SPRR2B: variants seen among roughly 807,000 people sequenced by gnomAD.
SPRR2B encodes the protein small proline-rich protein 2B.
A neutral mutation model predicts 1.0 loss-of-function variants in SPRR2B; 1 was observed. The observed-to-expected ratio is 1.01, with a 90% CI of 0.36 to 4.77. The LOEUF is 4.77. SPRR2B is among the 30% of genes most tolerant of loss of function. The pLI is 0.16. For missense variants in SPRR2B, 53 were observed against 88.7 expected (o/e 0.60, Z 1.62); for synonymous variants, 27 against 33.4 (o/e 0.81, Z 0.66).
At chr1:153,083,070 T>C in the SPRR2B span, among the ~76,000 whole-genome samples, 1 of 152,198 alleles carries the variant, frequency 6.6e-6, no homozygotes, top group Non-Finnish European at 1.5e-5. Context: ...AAGCTATAAA[T>C]AATTCTATGT....
chr1:153,071,691 T>C (rs1654670573), upstream of SPRR2B, among the ~76,000 whole-genome samples: 2 of 152,124 alleles, frequency 1.3e-5, no homozygotes, highest in Admixed American at 1.3e-4. Flanking sequence ...ACTGAGCTGG[T>C]CCAGCAATGT....
At chr1:153,075,074 G>A (rs773689292), upstream of SPRR2B, among the ~76,000 whole-genome samples, 4 of 152,126 alleles carry the variant, frequency 2.6e-5, no homozygotes, top group Non-Finnish European at 2.9e-5. Flanking sequence ...GGCCGGGAAC[G>A]GTGGCTCATG....
At position 153,070,402 on chromosome 1, in the gene SPRR2B, G is replaced by T; in HGVS notation, c.*219C>A. The stretch of plus-strand genomic sequence containing the variant: ...AGCTCTGGGAACTGACAAAGCCAAG[G>T]TTCCTTTGCTCAGTCTCCACCTGGA... On this transcript the variant is annotated 3_prime_UTR_variant, in exon 2 of 2. Transcript: ENST00000368755. 3.4e-6 allele frequency: 3 copies of T among 872,152 alleles called. No homozygotes were observed. Among genetic ancestry groups the T allele is most frequent in the East Asian group, 2.7e-5 (1 of 36,736 alleles). 54.0% of individuals were successfully genotyped at this position (872,152 alleles called of 1,614,324 possible).
chr1:153,078,805 A>G, the SPRR2B span, among the ~76,000 whole-genome samples: 48 of 152,320 alleles, frequency 3.2e-4, 1 homozygote, highest in African/African-American at 9.1e-4. Context: ...GCTATTGTGA[A>G]TAGTGCTGCA....
the SPRR2B span, among the ~76,000 whole-genome samples, chr1:153,079,148 G>A: frequency 6.6e-6 from 1 of 152,174 alleles, no homozygotes; most frequent in African/African-American, 2.4e-5. Context: ...TCTTTTGGCT[G>A]CATAAATGTC....
At position 153,070,357 on chromosome 1, in the gene SPRR2B, G is replaced by T; in HGVS notation, c.*264C>A. On this transcript the variant is annotated 3_prime_UTR_variant, in exon 2 of 2. Coordinates refer to ENST00000368755, the MANE Select transcript of SPRR2B (RefSeq NM_001388198.1). Reference sequence around the variant, plus strand: ...TTCTCTGATGGTTCCCAGGCACACAGCTGCAGCTCTTTCTGCTGAAGCTCT... The same window carrying T: ...TTCTCTGATGGTTCCCAGGCACACATCTGCAGCTCTTTCTGCTGAAGCTCT... 1.6e-6 allele frequency: 1 copy of T among 617,004 alleles called. No individual in the cohort carries two copies. Among genetic ancestry groups the T allele is most frequent in the Non-Finnish European group, 2.7e-6 (1 of 366,490 alleles). 38.2% of individuals were successfully genotyped at this position (617,004 alleles called of 1,614,324 possible).
the SPRR2B span, among the ~76,000 whole-genome samples, chr1:153,086,672 A>G: frequency 6.6e-6 from 1 of 152,232 alleles, no homozygotes; most frequent in Non-Finnish European, 1.5e-5. Flanking sequence ...GACACATCAT[A>G]GAGACAGAAA....
chr1:153,081,044 G>T, the SPRR2B span, among the ~76,000 whole-genome samples: 1 of 152,210 alleles, frequency 6.6e-6, no homozygotes, highest in African/African-American at 2.4e-5. Context: ...CTCAAAGGCT[G>T]TAGGCCTATT....
the SPRR2B span, among the ~76,000 whole-genome samples, chr1:153,086,364 C>T: frequency 1.4e-3 from 211 of 152,226 alleles, 1 homozygote; most frequent in Non-Finnish European, 2.5e-3. Flanking sequence ...CAGAAAAAAG[C>T]AGGGGTTGCC....
the SPRR2B span, among the ~76,000 whole-genome samples, chr1:153,082,596 G>C: frequency 7.2e-5 from 11 of 151,806 alleles, no homozygotes; most frequent in African/African-American, 2.7e-4. Flanking sequence ...ATTAAACAAC[G>C]CACTCTTAAA....
chr1:153,079,482 GT>G, the SPRR2B span, among the ~76,000 whole-genome samples: 3 of 152,198 alleles, frequency 2.0e-5, no homozygotes, highest in Non-Finnish European at 4.4e-5. Context: ...TTCTACTAGA[GT>G]TTTTATGGTT....
the SPRR2B span, among the ~76,000 whole-genome samples, chr1:153,078,615 T>A: frequency 6.6e-6 from 1 of 152,102 alleles, no homozygotes; most frequent in East Asian, 1.9e-4. Context: ...CATGCGGTGT[T>A]TGGTTTTTTG....
At chr1:153,084,801 A>G in the SPRR2B span, among the ~76,000 whole-genome samples, 1 of 152,214 alleles carries the variant, frequency 6.6e-6, no homozygotes, top group Non-Finnish European at 1.5e-5. Flanking sequence ...AACAGGGGTC[A>G]GGGAGCACCT....
chr1:153,072,805 T>C (rs949608696), upstream of SPRR2B, among the ~76,000 whole-genome samples: 2 of 152,152 alleles, frequency 1.3e-5, no homozygotes, highest in African/African-American at 4.8e-5. Flanking sequence ...ACTCGATACG[T>C]ATGTTGTCAA....
chr1:153,078,273 C>T, the SPRR2B span, among the ~76,000 whole-genome samples: 1 of 152,166 alleles, frequency 6.6e-6, no homozygotes, highest in Non-Finnish European at 1.5e-5. Flanking sequence ...GAGGTGGCTA[C>T]ACTAACATCA....
chr1:153,072,861 G>A (rs1654697971), upstream of SPRR2B, among the ~76,000 whole-genome samples: 1 of 152,154 alleles, frequency 6.6e-6, no homozygotes, highest in Non-Finnish European at 1.5e-5. Context: ...TGCAATCAAT[G>A]GGGCTTACTA....
chr1:153,077,529 A>G, the SPRR2B span, among the ~76,000 whole-genome samples: 1 of 152,206 alleles, frequency 6.6e-6, no homozygotes, highest in Non-Finnish European at 1.5e-5. Context: ...TTACAAGTCT[A>G]TGTTAGCAAA....
At chr1:153,086,616 A>T in the SPRR2B span, among the ~76,000 whole-genome samples, 2 of 152,184 alleles carry the variant, frequency 1.3e-5, no homozygotes, top group African/African-American at 2.4e-5. Flanking sequence ...GAAGAACATC[A>T]TCTGCAAGAC....
chr1:153,078,791 C>A, the SPRR2B span, among the ~76,000 whole-genome samples: 520 of 152,310 alleles, frequency 3.4e-3, 4 homozygotes, highest in African/African-American at 0.012. Context: ...GGTTCCAAGT[C>A]TTTGCTATTG....
Sources: gnomAD v4.1 joint callset for allele counts (sites outside exome capture counted in the v4.1 genomes callset) on GRCh38, gnomAD v4.1.1 for gene constraint, MANE v1.5 for transcripts, NCBI Gene and HGNC (gene_info 2026-07-23, HGNC 2026-07-21) for gene names.